Variants in CAMK2D observed in about 807,000 individuals in gnomAD.
The protein encoded by CAMK2D is calcium/calmodulin-dependent protein kinase type II subunit delta.
CAMK2D carries 37 observed loss-of-function variants against 84.0 expected under a neutral mutation model. The observed-to-expected ratio is 0.44, with a 90% CI of 0.34 to 0.58. The LOEUF is 0.58. CAMK2D is among the 20% of genes least tolerant of loss of function. The pLI, the probability that CAMK2D is intolerant of heterozygous loss-of-function variation, is 0.02. For synonymous variants in CAMK2D, 202 were observed against 212.5 expected (o/e 0.95, Z 0.43); for missense variants, 448 against 652.5 (o/e 0.69, Z 3.41).
At chr4:113,458,163 T>A (rs2097327837) in intron 18 of CAMK2D, among the ~76,000 whole-genome samples, 1 of 152,214 alleles carries the variant, frequency 6.6e-6, no homozygotes. Context: ...GATAGTCCAC[T>A]GTGATCATCT....
At chr4:113,589,860 T>C (rs1425159096) in intron 4 of CAMK2D, among the ~76,000 whole-genome samples, 1 of 152,146 alleles carries the variant, frequency 6.6e-6, no homozygotes, top group Non-Finnish European at 1.5e-5. Flanking sequence ...AGAGAATGCA[T>C]GATGCCCAAG....
At chr4:113,521,599 G>C (rs1412201658) in intron 8 of CAMK2D, among the ~76,000 whole-genome samples, 1 of 152,146 alleles carries the variant, frequency 6.6e-6, no homozygotes, top group African/African-American at 2.4e-5. Flanking sequence ...AGACAGAAGA[G>C]AGAATGGAGC....
At chr4:113,725,884 T>C (rs1006151978) in intron 2 of CAMK2D, among the ~76,000 whole-genome samples, 1 of 152,140 alleles carries the variant, frequency 6.6e-6, no homozygotes, top group Non-Finnish European at 1.5e-5. Flanking sequence ...ACCATATACA[T>C]ACATATATAT....
rs549760383 is a variant in CAMK2D at position 113,478,955 on chromosome 4, C to T, written c.1136-13351G>A. ...CTATTATCCCAACTTTTCCTGAAAT[C>T]CAAATTCTCTCCATAACATTTACCA... On this transcript the variant is annotated intron_variant, in intron 16 of 20. Coordinates refer to ENST00000511664, the MANE Select transcript of CAMK2D (RefSeq NM_001321571.2). Among the ~76,000 whole-genome samples, 97 of 152,102 alleles carry T rather than the reference C, an allele frequency of 6.4e-4. 1 individual carries two copies. The highest frequency in any genetic ancestry group is 1.5e-3 in the South Asian group (7 of 4,820).
intron 2 of CAMK2D, among the ~76,000 whole-genome samples, chr4:113,713,879 CT>C (rs1408951944): frequency 9.9e-5 from 15 of 150,814 alleles, no homozygotes; most frequent in East Asian, 3.9e-4. Flanking sequence ...GTAATACAAA[CT>C]TTTTTTTTGG....
At chr4:113,581,066 CTAAAAA>C (rs963021246) in intron 4 of CAMK2D, among the ~76,000 whole-genome samples, 16 of 151,084 alleles carry the variant, frequency 1.1e-4, no homozygotes, top group African/African-American at 3.6e-4. Context: ...TGCCCCAGCA[CTAAAAA>C]TAAAAACAAA....
chr4:113,687,709 T>C (rs2099364039), intron 2 of CAMK2D, among the ~76,000 whole-genome samples: 1 of 152,202 alleles, frequency 6.6e-6, no homozygotes, highest in South Asian at 2.1e-4. Context: ...CAACCACCAG[T>C]TGAAAATGGG....
intron 3 of CAMK2D, among the ~76,000 whole-genome samples, chr4:113,649,508 T>A (rs2099164609): frequency 6.6e-6 from 1 of 152,188 alleles, no homozygotes; most frequent in Non-Finnish European, 1.5e-5. Context: ...TGCTCTTCAG[T>A]CCAATCCCTA....
rs1345228198 is a variant in CAMK2D at position 113,734,076 on chromosome 4, T to C, written c.160+25244A>G. On this transcript the variant is annotated intron_variant, in intron 2 of 20. Transcript: ENST00000511664. ...AGAATAAAAGAACAGACATTTTGTT[T>C]AAAATTCTCTTGTTGAAAAAACTTT... 2.0e-5 allele frequency among the ~76,000 whole-genome samples: 3 copies of C among 152,056 alleles called. 1 individual carries two copies. The highest frequency in any genetic ancestry group is 4.4e-5 in the Non-Finnish European group (3 of 67,998).
chr4:113,670,367 GC>G (rs2099275484), intron 2 of CAMK2D, among the ~76,000 whole-genome samples: 1 of 152,170 alleles, frequency 6.6e-6, no homozygotes, highest in Non-Finnish European at 1.5e-5. Flanking sequence ...TAAGTAACAA[GC>G]CCTTATATAA....
In CAMK2D at chr4:113,752,189, G is replaced by A. The variant is rs927354982; in HGVS notation, c.160+7131C>T. 2.0e-5 allele frequency among the ~76,000 whole-genome samples: 3 copies of A among 151,596 alleles called. No individual in the cohort carries two copies. The South Asian group carries it at 6.3e-4, about 32-fold the overall frequency. ...AGGGAGAATGTTCTAGTTATTGAGTGGAGGCTTATTGGGTGCTTATTGTTA... is the reference window on the plus strand; with the variant it reads ...AGGGAGAATGTTCTAGTTATTGAGTAGAGGCTTATTGGGTGCTTATTGTTA... On this transcript the variant is annotated intron_variant, in intron 2 of 20. Coordinates refer to ENST00000511664, the MANE Select transcript of CAMK2D (RefSeq NM_001321571.2).
At chr4:113,755,669 T>TCCA (rs74903287) in intron 2 of CAMK2D, among the ~76,000 whole-genome samples, 20,548 of 151,852 alleles carry the variant, frequency 0.14, 1,476 homozygotes, top group Middle Eastern at 0.17. Context: ...GAACCATCAG[T>TCCA]CCACTGGATT....
intron 2 of CAMK2D, among the ~76,000 whole-genome samples, chr4:113,704,384 T>C (rs577544212): frequency 2.6e-5 from 4 of 152,302 alleles, no homozygotes; most frequent in South Asian, 4.1e-4. Flanking sequence ...TATTGTTTTA[T>C]ATAAGAACAA....
At chr4:113,670,395 A>T (rs574654456) in intron 2 of CAMK2D, among the ~76,000 whole-genome samples, 2 of 152,202 alleles carry the variant, frequency 1.3e-5, no homozygotes, top group Non-Finnish European at 1.5e-5. Flanking sequence ...AGTTATAAGG[A>T]TATTAGTTGG....
intron 2 of CAMK2D, among the ~76,000 whole-genome samples, chr4:113,750,145 T>A (rs2099613885): frequency 6.6e-6 from 1 of 152,188 alleles, no homozygotes. Context: ...GCAAGCTCCA[T>A]AAGATATGAA....
chr4:113,514,286 A>C (rs2098256301), intron 10 of CAMK2D, among the ~76,000 whole-genome samples: 1 of 152,042 alleles, frequency 6.6e-6, no homozygotes, highest in South Asian at 2.1e-4. Context: ...GGTGGTGGGC[A>C]CCTGTAATCC....
intron 13 of CAMK2D, among the ~76,000 whole-genome samples, chr4:113,507,989 C>CAA (rs2098153900): frequency 1.3e-5 from 2 of 151,934 alleles, no homozygotes; most frequent in South Asian, 4.2e-4. Flanking sequence ...TTTTTATTTT[C>CAA]AAAGAGAAAA....
intron 3 of CAMK2D, among the ~76,000 whole-genome samples, chr4:113,639,933 G>T (rs1208194316): frequency 3.9e-5 from 6 of 152,136 alleles, no homozygotes; most frequent in African/African-American, 1.4e-4. Flanking sequence ...GCAAAGGGAA[G>T]AATTCAGAAG....
intron 4 of CAMK2D, among the ~76,000 whole-genome samples, chr4:113,558,036 A>G (rs2098677254): frequency 6.6e-6 from 1 of 152,186 alleles, no homozygotes; most frequent in Non-Finnish European, 1.5e-5. Flanking sequence ...AGACCCAAAG[A>G]TGCAAGACAC....
Sources: gnomAD v4.1 joint callset for allele counts (sites outside exome capture counted in the v4.1 genomes callset) on GRCh38, gnomAD v4.1.1 for gene constraint, MANE v1.5 for transcripts, NCBI Gene and HGNC (gene_info 2026-07-23, HGNC 2026-07-21) for gene names.